MRE11: variants seen among roughly 807,000 people sequenced by gnomAD.
MRE11 encodes the protein double-strand break repair protein MRE11.
A neutral mutation model predicts 91.7 loss-of-function variants in MRE11; 62 were observed. The ratio of observed to expected loss-of-function variants is 0.68; its 90% CI spans 0.55 to 0.84. MRE11 has a LOEUF of 0.84. Ranked by LOEUF, MRE11 falls within the 40% of genes least tolerant of loss-of-function variation. The pLI is 0.00. For synonymous variants in MRE11, 273 were observed against 271.4 expected (o/e 1.01, Z -0.06); for missense variants, 796 against 852.9 (o/e 0.93, Z 0.83).
chr11:94,508,481 A>T, the MRE11 span, among the ~76,000 whole-genome samples: 1 of 152,182 alleles, frequency 6.6e-6, no homozygotes, highest in Non-Finnish European at 1.5e-5. Context: ...ATTTTCCTAT[A>T]TTAATATCCA....
chr11:94,466,617 A>G (rs1414543226), intron 10 of MRE11: 1 of 391,324 alleles, frequency 2.6e-6, no homozygotes, highest in Non-Finnish European at 5.4e-6. Flanking sequence ...GCTCAAGGTC[A>G]TACAACTAGT....
upstream of MRE11, chr11:94,496,756 T>C (rs1947423130): frequency 1.2e-6 from 2 of 1,612,676 alleles, no homozygotes; most frequent in Admixed American, 1.7e-5. Context: ...TGGATTTTTC[T>C]GAACACTTTA....
chr11:94,498,476 T>A (rs1215593017), upstream of MRE11: 1 of 1,613,924 alleles, frequency 6.2e-7, no homozygotes, highest in East Asian at 2.2e-5. Flanking sequence ...GACAAGTATC[T>A]ATCACTACCT....
chr11:94,427,716 A>G (rs891965560), intron 19 of MRE11, among the ~76,000 whole-genome samples: 1 of 152,214 alleles, frequency 6.6e-6, no homozygotes, highest in Non-Finnish European at 1.5e-5. Flanking sequence ...AAAAGTGTAC[A>G]AAAGTCAGTA....
intron 13 of MRE11, among the ~76,000 whole-genome samples, chr11:94,457,510 G>T (rs752407020): frequency 2.4e-4 from 37 of 151,620 alleles, no homozygotes; most frequent in Non-Finnish European, 4.7e-4. Flanking sequence ...AAAAATACAA[G>T]AATAACAATA....
upstream of MRE11, among the ~76,000 whole-genome samples, chr11:94,494,921 G>T (rs12708335): frequency 0.038 from 5,833 of 152,200 alleles, 269 homozygotes; most frequent in African/African-American, 0.11. Context: ...GTGTTGCAAG[G>T]TTCAGGAATT....
At chr11:94,433,660 T>C (rs1945524106) in intron 18 of MRE11, among the ~76,000 whole-genome samples, 1 of 152,192 alleles carries the variant, frequency 6.6e-6, no homozygotes, top group African/African-American at 2.4e-5. Flanking sequence ...ACTTGGCTCT[T>C]TTTCTCTTCT....
At chr11:94,437,055 C>A in intron 17 of MRE11, 122 bp downstream of exon 17, 1 of 832,738 alleles carries the variant, frequency 1.2e-6, no homozygotes, top group Non-Finnish European at 1.9e-6. Flanking sequence ...GGTAAAGCTC[C>A]TTCCAGCTTT....
intron 14 of MRE11, among the ~76,000 whole-genome samples, chr11:94,448,505 G>A (rs943117133): frequency 6.6e-6 from 1 of 152,090 alleles, no homozygotes; most frequent in African/African-American, 2.4e-5. Context: ...GCTGAGGTAG[G>A]AGGATCGCTC....
intron 18 of MRE11, among the ~76,000 whole-genome samples, chr11:94,434,209 C>T (rs889065765): frequency 6.6e-6 from 1 of 152,120 alleles, no homozygotes; most frequent in African/African-American, 2.4e-5. Context: ...ATCCCCAGAA[C>T]CTAGCATGAT....
At chr11:94,441,182 A>G (rs1431840231) in intron 16 of MRE11, among the ~76,000 whole-genome samples, 1 of 152,194 alleles carries the variant, frequency 6.6e-6, no homozygotes, top group Non-Finnish European at 1.5e-5. Flanking sequence ...CCCTTAAGGT[A>G]GGAAGCCTGT....
chr11:94,447,174 C>A, intron 15 of MRE11, 45 bp downstream of exon 15: 1 of 1,566,864 alleles, frequency 6.4e-7, no homozygotes, highest in Non-Finnish European at 8.7e-7. Flanking sequence ...ATTTTCCACT[C>A]AACTGCCAAG....
rs1555015191 is a variant in MRE11, at chr11:94,478,805, A to G, written c.474T>C (p.Ser158=). ...GFVNHFGRSM[S]VEKIDISPVL... is the part of the protein sequence containing the mutation. The stretch of plus-strand genomic sequence containing the variant: ...CCGGACTAATGTCTATCTTCTCCAC[A>G]GACATTGAACGTCCAAAGTGATTTA... Residue 158 remains serine, a synonymous_variant, in exon 6 of 20, where the codon TCT becomes TCC. Transcript: ENST00000323929. 3 of 1,613,870 alleles carry G rather than the reference A, an allele frequency of 1.9e-6. No homozygotes were observed. The highest frequency in any genetic ancestry group is 2.5e-6 in the Non-Finnish European group (3 of 1,179,908).
chr11:94,466,085 G>A (rs1392748141), intron 10 of MRE11, among the ~76,000 whole-genome samples: 1 of 152,154 alleles, frequency 6.6e-6, no homozygotes, highest in Non-Finnish European at 1.5e-5. Context: ...ATAGAGAAAG[G>A]AGGAGAGAAG....
chr11:94,465,964 G>C (rs1167891168), intron 10 of MRE11, among the ~76,000 whole-genome samples: 1 of 152,090 alleles, frequency 6.6e-6, no homozygotes, highest in Middle Eastern at 3.2e-3. Flanking sequence ...GGTGCTATAA[G>C]AGGTATGTAC....
chr11:94,465,129 G>A (rs1393418453), intron 10 of MRE11, among the ~76,000 whole-genome samples: 1 of 152,142 alleles, frequency 6.6e-6, no homozygotes, highest in African/African-American at 2.4e-5. Flanking sequence ...GTAAGATTTA[G>A]TCAATGAATT....
chr11:94,436,692 C>T (rs1370694120), intron 17 of MRE11, among the ~76,000 whole-genome samples: 2 of 152,296 alleles, frequency 1.3e-5, no homozygotes, highest in East Asian at 3.9e-4. Flanking sequence ...TTGGACTCTT[C>T]TTGGAATCGA....
intron 18 of MRE11, among the ~76,000 whole-genome samples, chr11:94,430,885 G>A (rs1945447123): frequency 6.6e-6 from 1 of 151,696 alleles, no homozygotes; most frequent in Non-Finnish European, 1.5e-5. Flanking sequence ...ACCAGGTTTT[G>A]TTTTTTTTAT....
chr11:94,488,659 G>A (rs781238172), intron 3 of MRE11, among the ~76,000 whole-genome samples: 26 of 152,138 alleles, frequency 1.7e-4, no homozygotes, highest in Non-Finnish European at 3.1e-4. Flanking sequence ...GCAGGGACAC[G>A]GATGGAGCTG....
Sources: gnomAD v4.1 joint callset for allele counts (sites outside exome capture counted in the v4.1 genomes callset) on GRCh38, gnomAD v4.1.1 for gene constraint, MANE v1.5 for transcripts, NCBI Gene and HGNC (gene_info 2026-07-23, HGNC 2026-07-21) for gene names.